C1orf159: variants seen among roughly 807,000 people sequenced by gnomAD.
The protein encoded by C1orf159 is chromosome 1 open reading frame 159, also known as uncharacterized protein C1orf159.
Under a neutral mutation model 25.6 loss-of-function variants are expected in C1orf159, and 19 were observed. The ratio of observed to expected loss-of-function variants is 0.74; its 90% CI spans 0.52 to 1.09. C1orf159 has a LOEUF of 1.09. Ranked by LOEUF, C1orf159 falls within the 50% of genes least tolerant of loss-of-function variation. C1orf159 has a pLI of 0.00. For missense variants in C1orf159, 274 were observed against 290.6 expected (o/e 0.94, Z 0.42); for synonymous variants, 139 against 124.7 (o/e 1.12, Z -0.77).
chr1:1,103,052 A>G (rs2100766956), intron 1 of C1orf159, among the ~76,000 whole-genome samples: 1 of 152,108 alleles, frequency 6.6e-6, no homozygotes, highest in South Asian at 2.1e-4. Flanking sequence ...CATGTTGGTC[A>G]GGCTTGTCTT....
At chr1:1,112,588 C>G (rs140733320) in intron 1 of C1orf159, among the ~76,000 whole-genome samples, 2 of 151,824 alleles carry the variant, frequency 1.3e-5, no homozygotes, top group Admixed American at 6.5e-5. Context: ...CTCCCTCCCC[C>G]CAGTGAATAC....
chr1:1,114,723 A>C (rs1169513233), intron 1 of C1orf159, among the ~76,000 whole-genome samples: 1 of 152,172 alleles, frequency 6.6e-6, no homozygotes, highest in Non-Finnish European at 1.5e-5. Context: ...AAACCTGAGT[A>C]ATCAGGCGCA....
intron 9 of C1orf159, 151 bp from the exon 10 acceptor site, chr1:1,083,138 C>T: frequency 1.7e-6 from 1 of 605,356 alleles, no homozygotes; most frequent in South Asian, 2.1e-5. Flanking sequence ...CCCAGATGCC[C>T]CCTGCCCCTA....
rs559874385 is a variant in C1orf159, at chr1:1,096,200, C to T, written c.-135-4097G>A. Reference sequence around the variant, plus strand: ...AAAACAAGCTGGGAAATAGGCCCTCCTTTTTTTAAAGAGAGACAGGGTCTC... The same window carrying T: ...AAAACAAGCTGGGAAATAGGCCCTCTTTTTTTTAAAGAGAGACAGGGTCTC... On this transcript the variant is annotated intron_variant, in intron 1 of 9. Coordinates refer to ENST00000421241, the MANE Select transcript of C1orf159 (RefSeq NM_017891.5). Among the ~76,000 whole-genome samples the T allele has an allele frequency of 6.8e-4, 104 of 152,236 alleles. 1 individual carries two copies. The highest frequency in any genetic ancestry group is 2.4e-3 in the African/African-American group (99 of 41,530).
In C1orf159 at chr1:1,087,122, G is replaced by A. The variant is rs1310506314; in HGVS notation, c.310+17C>T. ...CCAGGACACCGGCAGAGGTGGCTGT[G>A]GCCTGCTGAGACTTACCAGGATGTG... is the stretch of plus-strand genomic sequence containing the variant. On this transcript the variant is annotated intron_variant, in intron 6 of 9. Coordinates refer to ENST00000421241, the MANE Select transcript of C1orf159 (RefSeq NM_017891.5). The surrounding 1 kb of genome is among the most constrained non-coding windows in gnomAD (Gnocchi z 8.3). 6.2e-7 allele frequency: 1 copy of A among 1,604,572 alleles called. No homozygotes were observed. Among genetic ancestry groups the A allele is most frequent in the Non-Finnish European group, 8.5e-7 (1 of 1,178,330 alleles).
At position 1,084,367 on chromosome 1, in the gene C1orf159, G is replaced by C; in HGVS notation, c.488C>G (p.Pro163Arg). The change falls in exon 9 of 10, where the codon CCG (proline) becomes CGG (arginine). Residue 163 changes from proline to arginine, a missense_variant. Coordinates refer to ENST00000421241, the MANE Select transcript of C1orf159 (RefSeq NM_017891.5). ...GCTGCTGTTACCTGAGGACTGTGGC[G>C]GGGGGATCATTGCAGCCTTGAAAAG... ...QPGEAAAMIP[P>R]PQSSVRKPRY... 6.4e-7 allele frequency: 1 copy of C among 1,564,986 alleles called. No homozygotes were observed. The highest frequency in any genetic ancestry group is 8.7e-7 in the Non-Finnish European group (1 of 1,154,454).
chr1:1,090,883 G>C, intron 3 of C1orf159: 2 of 1,550,198 alleles, frequency 1.3e-6, no homozygotes, highest in Non-Finnish European at 1.7e-6. Context: ...TACGGTGTGT[G>C]TGAGGGCCCA....
chr1:1,083,970 G>C (rs1286313355), intron 9 of C1orf159: 1 of 1,604,822 alleles, frequency 6.2e-7, no homozygotes. Flanking sequence ...GGCTGCTCAG[G>C]AGGGCCTGGC....
intron 1 of C1orf159, among the ~76,000 whole-genome samples, chr1:1,092,990 C>G (rs1465679967): frequency 3.3e-5 from 5 of 151,890 alleles, no homozygotes. Flanking sequence ...GTGGAGGCTG[C>G]AGTGAACGGA....
At chr1:1,085,818 A>G in intron 7 of C1orf159, 60 bp downstream of exon 7, 6 of 1,593,536 alleles carry the variant, frequency 3.8e-6, no homozygotes, top group Non-Finnish European at 5.1e-6. Flanking sequence ...GCCCATCTCC[A>G]CGGCTGGATG....
At position 1,089,580 on chromosome 1, in the gene C1orf159, G is replaced by A. The variant is rs957061330; in HGVS notation, c.148+773C>T. On this transcript the variant is annotated intron_variant, in intron 4 of 9. Transcript: ENST00000421241. This position sits in a 1 kb window ranked among gnomAD's most constrained non-coding sequence, Gnocchi z 7.5. Reference sequence around the variant, plus strand: ...CCCAGCCTCACTGGCTGCCACAGCCGCCGTCTTGACCACGCCCTCCTCACG... The same window carrying A: ...CCCAGCCTCACTGGCTGCCACAGCCACCGTCTTGACCACGCCCTCCTCACG... Among the ~76,000 whole-genome samples, 11 of 152,018 alleles carry A rather than the reference G, an allele frequency of 7.2e-5. No individual in the cohort carries two copies. Among genetic ancestry groups the A allele is most frequent in the Non-Finnish European group, 1.3e-4 (9 of 67,984 alleles).
rs1645850067 is a variant in C1orf159, at chr1:1,087,476, AG to A, written c.244+25del. ...CCCACAGCTGGAGCTGTGAGAAGGG[AG>A]CCGGGGGGAGCCGGGCAGACCTACA... On this transcript the variant is annotated intron_variant, in intron 5 of 9. Coordinates refer to ENST00000421241, the MANE Select transcript of C1orf159 (RefSeq NM_017891.5). The surrounding 1 kb of genome is among the most constrained non-coding windows in gnomAD (Gnocchi z 8.3). 2 of 1,530,660 alleles carry A rather than the reference AG, an allele frequency of 1.3e-6. No homozygotes were observed. The highest frequency in any genetic ancestry group is 2.8e-5 in the African/African-American group (2 of 72,484). The allele number at this position is 1,530,660 out of a possible 1,614,324, so 94.8% of individuals were successfully genotyped here. A position where few individuals can be genotyped will look rare whatever the true frequency, so the allele number is the denominator to read the frequency against.
At chr1:1,091,604 G>C in intron 2 of C1orf159, 39 bp from the exon 3 acceptor site, 1 of 1,422,448 alleles carries the variant, frequency 7.0e-7, no homozygotes, top group East Asian at 2.5e-5. Context: ...AAGAGATGGA[G>C]TGGGGCTGAG....
At chr1:1,090,223 GCCC>G in intron 4 of C1orf159, 127 bp downstream of exon 4, 1 of 952,252 alleles carries the variant, frequency 1.1e-6, no homozygotes, top group Non-Finnish European at 1.6e-6. Flanking sequence ...AGCCCTCACT[GCCC>G]CATCCACTCC....
chr1:1,101,987 G>A (rs11260594), intron 1 of C1orf159, among the ~76,000 whole-genome samples: 35,514 of 147,580 alleles, frequency 0.24, 5,709 homozygotes, highest in African/African-American at 0.47. Context: ...CAGGAGAATC[G>A]CTTGAACTGG....
rs555968239 is a variant in C1orf159 at position 1,105,368 on chromosome 1, C to A, written c.-136+10692G>T. Among the ~76,000 whole-genome samples, 5 of 151,974 alleles carry A rather than the reference C, an allele frequency of 3.3e-5. No homozygotes were observed. The South Asian group carries it at 1.0e-3, about 32-fold the overall frequency. ...AAACCCCTTACAGAAATCAGCCAGGCGTGATGGCACATGCCTGTGATCCCA... is the reference window on the plus strand; with the variant it reads ...AAACCCCTTACAGAAATCAGCCAGGAGTGATGGCACATGCCTGTGATCCCA... On this transcript the variant is annotated intron_variant, in intron 1 of 9. Transcript: ENST00000421241.
intron 1 of C1orf159, among the ~76,000 whole-genome samples, chr1:1,105,167 C>T (rs1646153794): frequency 6.6e-6 from 1 of 152,244 alleles, no homozygotes; most frequent in East Asian, 1.9e-4. Flanking sequence ...CTGCAACACT[C>T]AACAAATATG....
chr1:1,100,263 G>A (rs544707405), intron 1 of C1orf159, among the ~76,000 whole-genome samples: 1 of 150,286 alleles, frequency 6.7e-6, no homozygotes, highest in Admixed American at 6.6e-5. Flanking sequence ...ATGGGTAGAT[G>A]TAGGTATGTT....
chr1:1,088,641 C>T (rs1645874355), intron 4 of C1orf159, among the ~76,000 whole-genome samples: 1 of 152,018 alleles, frequency 6.6e-6, no homozygotes, highest in African/African-American at 2.4e-5. Flanking sequence ...TACTCCTTGA[C>T]TTTCTAAATA....
Sources: gnomAD v4.1 joint callset for allele counts (sites outside exome capture counted in the v4.1 genomes callset) on GRCh38, gnomAD v4.1.1 for gene constraint, Gnocchi (gnomAD v3.1) non-coding constraint, MANE v1.5 for transcripts, NCBI Gene and HGNC (gene_info 2026-07-23, HGNC 2026-07-21) for gene names.